The following ROBO1 variants were observed in gnomAD, a reference collection of about 807,000 sequenced individuals.
ROBO1 encodes roundabout homolog 1.
A neutral mutation model predicts 195.9 loss-of-function variants in ROBO1; 149 were observed. The observed-to-expected ratio is 0.76, with a 90% confidence interval of 0.67 to 0.87. ROBO1 has a LOEUF of 0.87. ROBO1 is among the 40% of genes least tolerant of loss of function. The probability of loss-of-function intolerance (pLI) is 0.00; values close to 1 mark genes in which losing one functional copy is unlikely to be tolerated. For missense variants in ROBO1, 1,933 were observed against 2,068.3 expected (o/e 0.93, Z 1.27); for synonymous variants, 816 against 733.2 (o/e 1.11, Z -1.82).
At chr3:78,793,666 T>C (rs2084094222) in intron 4 of ROBO1, among the ~76,000 whole-genome samples, 1 of 151,960 alleles carries the variant, frequency 6.6e-6, no homozygotes, top group Admixed American at 6.6e-5. Context: ...GGACATCAAA[T>C]AGAGTCTAAC....
At chr3:79,345,364 G>C (rs2109241579) in intron 2 of ROBO1, among the ~76,000 whole-genome samples, 1 of 152,236 alleles carries the variant, frequency 6.6e-6, no homozygotes, top group African/African-American at 2.4e-5. Context: ...AGGAGCAGAA[G>C]TGTAGGCAAT....
chr3:79,484,633 G>T (rs1353119604), intron 2 of ROBO1, among the ~76,000 whole-genome samples: 1 of 151,792 alleles, frequency 6.6e-6, no homozygotes, highest in Non-Finnish European at 1.5e-5. Flanking sequence ...AATTTGAAAA[G>T]CCATAATATG....
At chr3:79,704,539 T>C (rs1576256912) in intron 1 of ROBO1, among the ~76,000 whole-genome samples, 2 of 152,158 alleles carry the variant, frequency 1.3e-5, no homozygotes, top group South Asian at 4.1e-4. Context: ...TAATGCTGCA[T>C]AGTATTCTAT....
intron 2 of ROBO1, among the ~76,000 whole-genome samples, chr3:79,315,801 A>G (rs73122596): frequency 6.6e-6 from 1 of 152,164 alleles, no homozygotes; most frequent in Non-Finnish European, 1.5e-5. Context: ...AACTGCCAAC[A>G]TACACATAGA....
chr3:79,749,885 C>T (rs1413639801), intron 1 of ROBO1, among the ~76,000 whole-genome samples: 4 of 152,180 alleles, frequency 2.6e-5, no homozygotes, highest in African/African-American at 9.7e-5. Context: ...GGGTCAGAGC[C>T]CCCACACAGA....
chr3:79,186,134 C>A (rs1286272978), intron 2 of ROBO1, among the ~76,000 whole-genome samples: 1 of 152,072 alleles, frequency 6.6e-6, no homozygotes, highest in Non-Finnish European at 1.5e-5. Context: ...GTAGCCCAAG[C>A]TCTGTATTCT....
intron 1 of ROBO1, among the ~76,000 whole-genome samples, chr3:79,755,185 A>G (rs1290333564): frequency 5.3e-5 from 8 of 152,052 alleles, no homozygotes. Context: ...AGGCCCTGAT[A>G]TCACTTTAAT....
At chr3:78,936,902 C>A (rs572034239) in intron 4 of ROBO1, among the ~76,000 whole-genome samples, 1 of 152,192 alleles carries the variant, frequency 6.6e-6, no homozygotes, top group African/African-American at 2.4e-5. Context: ...TGACAGCTGT[C>A]ATTCACCTCA....
chr3:78,936,764 G>A (rs530605028), intron 4 of ROBO1, among the ~76,000 whole-genome samples: 34 of 152,046 alleles, frequency 2.2e-4, no homozygotes, highest in Non-Finnish European at 3.5e-4. Flanking sequence ...GTAACCAATC[G>A]CCCATGAATC....
Position 78,617,873 on chromosome 3 carries a change from T to TA in ROBO1, c.4043dup (p.Leu1348PhefsTer5). On this transcript the variant is annotated frameshift_variant, in exon 27 of 31. Coordinates refer to ENST00000464233, the MANE Select transcript of ROBO1 (RefSeq NM_002941.4). LOFTEE classifies it high-confidence loss of function. ...AGGCAGGTGTCTGCTCAAGCCCACGTAACAAAAGCCTTCTGGTTTGCATCT... is the reference window on the plus strand; with the variant it reads ...AGGCAGGTGTCTGCTCAAGCCCACGTAAACAAAAGCCTTCTGGTTTGCATCT... 6.2e-7 allele frequency: 1 copy of TA among 1,614,014 alleles called. No individual in the cohort carries two copies.
chr3:78,624,459 C>A (rs761857098), intron 26 of ROBO1, among the ~76,000 whole-genome samples: 2 of 152,008 alleles, frequency 1.3e-5, no homozygotes, highest in Non-Finnish European at 2.9e-5. Context: ...GAAAATCATA[C>A]CTTTGAGAAA....
intron 1 of ROBO1, among the ~76,000 whole-genome samples, chr3:79,753,186 C>T (rs1015037267): frequency 1.3e-5 from 2 of 152,022 alleles, no homozygotes; most frequent in Non-Finnish European, 2.9e-5. Flanking sequence ...AACTTTGCTG[C>T]TTATTCAAAC....
At chr3:79,333,015 A>C (rs935199755) in intron 2 of ROBO1, among the ~76,000 whole-genome samples, 5 of 152,104 alleles carry the variant, frequency 3.3e-5, no homozygotes, top group Admixed American at 6.5e-5. Flanking sequence ...CAGCCCGACC[A>C]ATACGGCGAA....
chr3:79,576,465 T>C (rs9284799), intron 2 of ROBO1, among the ~76,000 whole-genome samples: 152,181 of 152,184 alleles, frequency 1, 76,089 homozygotes, highest in Middle Eastern at 1. Context: ...GGACATTGTA[T>C]TAGATACTTT....
intron 2 of ROBO1, among the ~76,000 whole-genome samples, chr3:79,312,115 C>T (rs1239178456): frequency 1.3e-5 from 2 of 152,278 alleles, no homozygotes; most frequent in Non-Finnish European, 2.9e-5. Context: ...GTTCTGTAAA[C>T]TTTATTTACA....
intron 2 of ROBO1, among the ~76,000 whole-genome samples, chr3:79,239,430 A>T (rs898381323): frequency 2.0e-5 from 3 of 152,224 alleles, no homozygotes; most frequent in African/African-American, 2.4e-5. Flanking sequence ...TTTTGTGATG[A>T]CATGTTGAAG....
intron 1 of ROBO1, among the ~76,000 whole-genome samples, chr3:79,743,749 T>A (rs1438340666): frequency 6.6e-6 from 1 of 152,218 alleles, no homozygotes. Context: ...TTTAAACTTT[T>A]AAACTTTTTT....
intron 3 of ROBO1, among the ~76,000 whole-genome samples, chr3:78,945,099 A>T (rs1576444432): frequency 6.6e-6 from 1 of 152,338 alleles, no homozygotes; most frequent in South Asian, 2.1e-4. Flanking sequence ...GGGTCAGGGC[A>T]TGGACAAACA....
intron 3 of ROBO1, among the ~76,000 whole-genome samples, chr3:79,037,503 A>G (rs2078401785): frequency 6.6e-6 from 1 of 152,166 alleles, no homozygotes; most frequent in African/African-American, 2.4e-5. Context: ...TATTCACTCA[A>G]ATATTCTTTT....
Sources: gnomAD v4.1 joint callset for allele counts (sites outside exome capture counted in the v4.1 genomes callset) on GRCh38, gnomAD v4.1.1 for gene constraint, MANE v1.5 for transcripts, NCBI Gene and HGNC (gene_info 2026-07-23, HGNC 2026-07-21) for gene names.